BCR: variants seen among roughly 807,000 people sequenced by gnomAD.
The protein encoded by BCR is BCR activator of RhoGEF and GTPase.
Under a neutral mutation model 138.6 loss-of-function variants are expected in BCR, and 58 were observed. The observed-to-expected ratio is 0.42, with a 90% confidence interval of 0.34 to 0.52. The LOEUF is 0.52. Among genes scored for constraint, BCR ranks in the 20% least tolerant of loss-of-function variants. The pLI is 0.06. For missense variants in BCR, 1,599 were observed against 1,727.2 expected, an observed-to-expected ratio of 0.93 and a Z score of 1.32; for synonymous variants, 786 against 730.1, an observed-to-expected ratio of 1.08 and a Z score of -1.23.
chr22:23,298,854 T>C (rs893071555), intron 16 of BCR, among the ~76,000 whole-genome samples: 27 of 152,220 alleles, frequency 1.8e-4, no homozygotes, highest in Admixed American at 5.9e-4. Context: ...CGCCTTGGCC[T>C]CCCAAAGTGC....
intron 1 of BCR, among the ~76,000 whole-genome samples, chr22:23,250,599 C>CT (rs1326304041): frequency 6.6e-6 from 1 of 152,146 alleles, no homozygotes; most frequent in African/African-American, 2.4e-5. Context: ...AAAGCCAAGT[C>CT]TGGAGGGTCA....
chr22:23,227,682 G>C (rs1602037729), intron 1 of BCR, among the ~76,000 whole-genome samples: 1 of 152,242 alleles, frequency 6.6e-6, no homozygotes, highest in South Asian at 2.1e-4. Context: ...TGTCACATCA[G>C]ACCCTTTGCT....
rs2146187007 is a variant in BCR, at chr22:23,180,799, C to T, written c.-162C>T. 4.0e-6 allele frequency: 1 copy of T among 247,114 alleles called. No individual in the cohort carries two copies. The highest frequency in any genetic ancestry group is 6.3e-6 in the Non-Finnish European group (1 of 158,242). The allele number at this position is 247,114 out of a possible 1,614,324, so 15.3% of individuals were successfully genotyped here. A position where few individuals can be genotyped will look rare whatever the true frequency, so the allele number is the denominator to read the frequency against. On this transcript the variant is annotated 5_prime_UTR_variant, in exon 1 of 23. Transcript: ENST00000305877. Reference sequence around the variant, plus strand: ...CCGCGCGCCGAGCGCCCCGCTCCGCCTCACCTGCCACCAGGGAGTGGGCGG... The same window carrying T: ...CCGCGCGCCGAGCGCCCCGCTCCGCTTCACCTGCCACCAGGGAGTGGGCGG...
chr22:23,258,003 G>GT (rs1356823487), intron 2 of BCR, among the ~76,000 whole-genome samples: 4 of 152,112 alleles, frequency 2.6e-5, no homozygotes, highest in African/African-American at 9.7e-5. Context: ...GCACAGCCGT[G>GT]GCCTGGAGGC....
chr22:23,242,803 T>C (rs2073108927), intron 1 of BCR: 1 of 452,182 alleles, frequency 2.2e-6, no homozygotes, highest in Non-Finnish European at 4.4e-6. Context: ...ACAACAAACA[T>C]TTATTCTCTC....
chr22:23,217,950 T>C (rs1006929339), intron 1 of BCR, among the ~76,000 whole-genome samples: 2 of 152,108 alleles, frequency 1.3e-5, no homozygotes, highest in African/African-American at 4.8e-5. Context: ...GGCTCCTACA[T>C]TGCCTTGGGG....
rs74450173 is a variant in BCR, at chr22:23,289,626, G to C, written c.2707+5G>C. ...CGCTGACCATCAATAAGGAAGGTGG[G>C]CCCCCCCGTTTCCGTGTACAGGGCA... is the stretch of plus-strand genomic sequence containing the variant. On this transcript the variant is annotated splice_donor_5th_base_variant and intron_variant, in intron 13 of 22. Transcript: ENST00000305877. 3.2e-5 allele frequency: 51 copies of C among 1,608,404 alleles called. No homozygotes were observed. In the African/African-American group the frequency reaches 3.4e-4, roughly 11 times the overall value.
intron 1 of BCR, among the ~76,000 whole-genome samples, chr22:23,224,672 A>G (rs1426827240): frequency 2.0e-5 from 3 of 152,172 alleles, no homozygotes; most frequent in Non-Finnish European, 4.4e-5. Flanking sequence ...ACTTGAGGTC[A>G]GGAGTTCCAG....
chr22:23,262,641 C>T (rs931840359), intron 4 of BCR: 5 of 383,144 alleles, frequency 1.3e-5, no homozygotes, highest in East Asian at 3.3e-4. Flanking sequence ...CGGGCTGCCC[C>T]GCAGCTGCTC....
intron 1 of BCR, among the ~76,000 whole-genome samples, chr22:23,224,472 T>C (rs1320520145): frequency 6.6e-6 from 1 of 151,992 alleles, no homozygotes; most frequent in African/African-American, 2.4e-5. Context: ...AGCAGGGTGG[T>C]GGGTTGGCAG....
intron 1 of BCR, among the ~76,000 whole-genome samples, chr22:23,210,604 A>G (rs1018434003): frequency 1.4e-4 from 21 of 152,132 alleles, no homozygotes; most frequent in South Asian, 2.1e-4. Flanking sequence ...CAGCAGGCCT[A>G]TCACCCCAGA....
At chr22:23,272,745 G>C (rs1296720728) in intron 6 of BCR, among the ~76,000 whole-genome samples, 1 of 152,128 alleles carries the variant, frequency 6.6e-6, no homozygotes, top group Non-Finnish European at 1.5e-5. Flanking sequence ...TCTCCCTCCA[G>C]AATTGGGGCC....
chr22:23,259,738 C>T (rs2073336081), intron 2 of BCR, among the ~76,000 whole-genome samples: 1 of 152,102 alleles, frequency 6.6e-6, no homozygotes, highest in South Asian at 2.1e-4. Context: ...GGCTGGTGAT[C>T]TCGAACTCCT....
At chr22:23,282,405 A>G (rs2073657726) in intron 8 of BCR, among the ~76,000 whole-genome samples, 1 of 152,220 alleles carries the variant, frequency 6.6e-6, no homozygotes, top group African/African-American at 2.4e-5. Flanking sequence ...TATGGGCACC[A>G]GCAGCCCCTG....
chr22:23,202,058 AAT>A (rs1323800629), intron 1 of BCR, among the ~76,000 whole-genome samples: 1 of 152,116 alleles, frequency 6.6e-6, no homozygotes, highest in African/African-American at 2.4e-5. Context: ...ATCTTGTGTA[AAT>A]ATTATTTTTA....
At chr22:23,312,055 G>C in intron 19 of BCR, 3 of 892,256 alleles carry the variant, frequency 3.4e-6, no homozygotes, top group Non-Finnish European at 4.9e-6. Context: ...CCACTTGCTG[G>C]GGTAGGCCAG....
Position 23,260,652 on chromosome 22 carries a change from C to T in BCR, c.1462-298C>T, listed in dbSNP as rs1041003181. Among the ~76,000 whole-genome samples, 6 of 152,314 alleles carry T rather than the reference C, an allele frequency of 3.9e-5. No individual in the cohort carries two copies. In the East Asian group the frequency reaches 5.8e-4, roughly 15 times the overall value. Reference sequence around the variant, plus strand: ...GCTGCCCTTGGGTTGCATGCAGAAGCGTGGAGGGAGGCCTGGCCCAGCCTG... The same window carrying T: ...GCTGCCCTTGGGTTGCATGCAGAAGTGTGGAGGGAGGCCTGGCCCAGCCTG... On this transcript the variant is annotated intron_variant, in intron 2 of 22. Transcript: ENST00000305877.
At chr22:23,308,540 C>T (rs1442197280) in intron 16 of BCR, among the ~76,000 whole-genome samples, 5 of 152,118 alleles carry the variant, frequency 3.3e-5, no homozygotes, top group Non-Finnish European at 5.9e-5. Flanking sequence ...CTCCCGACCT[C>T]GTGATCCGCC....
chr22:23,254,845 A>G (rs5996507), intron 2 of BCR, among the ~76,000 whole-genome samples: 36,859 of 151,700 alleles, frequency 0.24, 4,938 homozygotes, highest in African/African-American at 0.32. Flanking sequence ...TTACTTCCGC[A>G]CTCTGCTTAG....
Sources: allele counts gnomAD v4.1 joint callset (sites outside exome capture counted in the v4.1 genomes callset), GRCh38; gene constraint gnomAD v4.1.1; transcripts MANE v1.5; gene names NCBI Gene and HGNC (gene_info 2026-07-23, HGNC 2026-07-21).